KCTD3: variants seen among roughly 807,000 people sequenced by gnomAD.
KCTD3 encodes the protein potassium channel tetramerization domain containing 3, also known as BTB/POZ domain-containing protein KCTD3.
KCTD3 carries 41 observed loss-of-function variants against 85.8 expected under a neutral mutation model. The observed-to-expected ratio is 0.48, with a 90% confidence interval of 0.37 to 0.62. The LOEUF (loss-of-function observed/expected upper bound fraction) is 0.62, where lower values mean the gene tolerates loss of function less well. Among genes scored for constraint, KCTD3 ranks in the 20% least tolerant of loss-of-function variants. The pLI is 0.00. For synonymous variants in KCTD3, 338 were observed against 345.4 expected (o/e 0.98, Z 0.24); for missense variants, 724 against 989.9 (o/e 0.73, Z 3.60).
intron 12 of KCTD3, among the ~76,000 whole-genome samples, chr1:215,602,903 T>C (rs1039129902): frequency 6.6e-6 from 1 of 152,222 alleles, no homozygotes; most frequent in African/African-American, 2.4e-5. Context: ...TTCAAGAGTA[T>C]ACCTATGAAT....
intron 3 of KCTD3, among the ~76,000 whole-genome samples, chr1:215,575,009 T>C (rs1659519539): frequency 6.6e-6 from 1 of 152,184 alleles, no homozygotes; most frequent in Non-Finnish European, 1.5e-5. Context: ...TCCAGCACTT[T>C]AGGAGGTCGA....
At chr1:215,606,660 A>C (rs1378084733) in intron 13 of KCTD3, among the ~76,000 whole-genome samples, 1 of 152,064 alleles carries the variant, frequency 6.6e-6, no homozygotes, top group Non-Finnish European at 1.5e-5. Flanking sequence ...TTGCATTTTA[A>C]CATCAGATAT....
At chr1:215,575,512 A>G (rs1039682653) in intron 3 of KCTD3, among the ~76,000 whole-genome samples, 12 of 152,324 alleles carry the variant, frequency 7.9e-5, no homozygotes, top group Admixed American at 2.0e-4. Flanking sequence ...TTAATGATTG[A>G]ACAGTATAAG....
At chr1:215,604,903 GTTC>G (rs1451043342) in intron 13 of KCTD3, among the ~76,000 whole-genome samples, 5 of 151,142 alleles carry the variant, frequency 3.3e-5, no homozygotes, top group Admixed American at 2.0e-4. Flanking sequence ...TGGGTTTGTA[GTTC>G]TTCATAATAT....
intron 9 of KCTD3, among the ~76,000 whole-genome samples, chr1:215,592,736 G>T (rs1459910249): frequency 1.3e-5 from 2 of 152,186 alleles, no homozygotes; most frequent in African/African-American, 4.8e-5. Flanking sequence ...ACTATCCAAA[G>T]AAAATTGTTA....
At chr1:215,617,726 A>G (rs1226917400) in intron 15 of KCTD3, among the ~76,000 whole-genome samples, 3 of 150,432 alleles carry the variant, frequency 2.0e-5, no homozygotes. Context: ...TGGGGGCTGC[A>G]GTGGACCTGA....
chr1:215,598,706 A>AT (rs1553309380), intron 10 of KCTD3, among the ~76,000 whole-genome samples: 2 of 151,868 alleles, frequency 1.3e-5, no homozygotes, highest in African/African-American at 4.8e-5. Flanking sequence ...TTGAAAAAAA[A>AT]TTTTTAATTT....
intron 10 of KCTD3, among the ~76,000 whole-genome samples, chr1:215,597,665 G>T (rs1363234251): frequency 6.6e-6 from 1 of 152,154 alleles, no homozygotes; most frequent in Admixed American, 6.5e-5. Context: ...CTGGGAACAA[G>T]AATTCAAAGT....
chr1:215,578,230 T>C (rs1659664297), intron 6 of KCTD3, 149 bp downstream of exon 6: 1 of 690,464 alleles, frequency 1.4e-6, no homozygotes, highest in South Asian at 2.4e-5. Context: ...TTTATAGAAA[T>C]TAAGTCACAT....
intron 15 of KCTD3, 57 bp downstream of exon 15, chr1:215,611,978 C>T: frequency 1.8e-6 from 2 of 1,138,048 alleles, no homozygotes; most frequent in Non-Finnish European, 2.7e-6. Flanking sequence ...TCTTACAAAA[C>T]ATATGGCATA....
intron 9 of KCTD3, among the ~76,000 whole-genome samples, chr1:215,591,333 T>C (rs1041656625): frequency 9.4e-5 from 14 of 149,126 alleles, no homozygotes; most frequent in African/African-American, 3.5e-4. Context: ...CTTCCTTCCT[T>C]CCTTCCTTCC....
At chr1:215,587,111 G>A (rs1660036992) in intron 9 of KCTD3, among the ~76,000 whole-genome samples, 1 of 151,274 alleles carries the variant, frequency 6.6e-6, no homozygotes, top group East Asian at 1.9e-4. Context: ...CTGAAAGAAT[G>A]TAGGTTATTT....
chr1:215,617,757 C>T (rs1276962066), intron 15 of KCTD3, among the ~76,000 whole-genome samples: 2 of 148,040 alleles, frequency 1.4e-5, no homozygotes, highest in African/African-American at 5.0e-5. Context: ...TTACCTTCCA[C>T]TAGTTTTACA....
chr1:215,585,823 A>T (rs147023449), intron 8 of KCTD3, among the ~76,000 whole-genome samples: 55 of 152,346 alleles, frequency 3.6e-4, no homozygotes, highest in Middle Eastern at 3.4e-3. Context: ...ATTAGCTTTT[A>T]CATATGGGTA....
rs1371198223 is a variant in KCTD3, at chr1:215,604,301, A to G, written c.1308A>G (p.Ser436=). 2 of 1,611,350 alleles carry G rather than the reference A, an allele frequency of 1.2e-6. No homozygotes were observed. Among genetic ancestry groups the G allele is most frequent in the African/African-American group, 1.3e-5 (1 of 74,962 alleles). Reference sequence around the variant, plus strand: ...TGCTATCAGAGAAGCATCTTGTATCAGGTAAAATGATTTCATTATACTGGT... The same window carrying G: ...TGCTATCAGAGAAGCATCTTGTATCGGGTAAAATGATTTCATTATACTGGT... ...KIMLSEKHLV[S]VCADNNHVRT... The change falls in exon 13 of 18, where the codon TCA becomes TCG. Residue 436 remains serine (S), a splice_region_variant and synonymous_variant. Transcript: ENST00000259154.
chr1:215,576,575 G>A (rs188133828), intron 4 of KCTD3, among the ~76,000 whole-genome samples: 34 of 151,686 alleles, frequency 2.2e-4, no homozygotes, highest in African/African-American at 5.1e-4. Flanking sequence ...AAATAGTTTC[G>A]AAATAGAATA....
At position 215,620,536 on chromosome 1, in the gene KCTD3, C is replaced by T; in HGVS notation, c.2366C>T (p.Thr789Ile). 1 of 1,613,792 alleles carries T rather than the reference C, an allele frequency of 6.2e-7. No homozygotes were observed. The highest frequency in any genetic ancestry group is 8.5e-7 in the Non-Finnish European group (1 of 1,179,776). The change falls in exon 18 of 18, where the codon ACT becomes ATT. Residue 789 changes from threonine (T) to isoleucine (I), a missense_variant. Around this residue, in one of 6 missense-constraint regions of KCTD3, gnomAD observed 222 missense variants for 217.7 expected, o/e 1.02. Transcript: ENST00000259154. Reference protein sequence around the residue: ...TSDGGTDSPGTASPSPTKTTP... With the variant: ...TSDGGTDSPGIASPSPTKTTP... ...GATGGAGGAACTGACTCACCTGGTA[C>T]TGCGTCCCCATCTCCTACAAAGACT...
rs1007435357 is a variant in KCTD3, at chr1:215,596,486, T to TG, written c.933+1020dup. 1.8e-3 allele frequency among the ~76,000 whole-genome samples: 278 copies of TG among 152,208 alleles called. 1 individual carries two copies. Among genetic ancestry groups the TG allele is most frequent in the African/African-American group, 6.4e-3 (265 of 41,526 alleles). On this transcript the variant is annotated intron_variant, in intron 10 of 17. Coordinates refer to ENST00000259154, the MANE Select transcript of KCTD3 (RefSeq NM_016121.5). ...GAAACAAAAGTCAAAATTAGAACTC[T>TG]GGGGGAACATTAGCATTTAAGGGGA...
chr1:215,576,280 G>A (rs1486431806), intron 4 of KCTD3, among the ~76,000 whole-genome samples: 2 of 151,868 alleles, frequency 1.3e-5, no homozygotes, highest in Non-Finnish European at 1.5e-5. Context: ...TGTTGCCCAG[G>A]CTGATTGCAA....
Sources: allele counts gnomAD v4.1 joint callset (sites outside exome capture counted in the v4.1 genomes callset), GRCh38; gene constraint gnomAD v4.1.1; regional missense constraint gnomAD v4.1.1; transcripts MANE v1.5; gene names NCBI Gene and HGNC (gene_info 2026-07-23, HGNC 2026-07-21).